The following MAP7 variants were observed in gnomAD, a reference collection of about 807,000 sequenced individuals.
MAP7 encodes ensconsin.
MAP7 carries 52 observed loss-of-function variants against 94.8 expected under a neutral mutation model. The ratio of observed to expected loss-of-function variants is 0.55; its 90% CI spans 0.44 to 0.69. The LOEUF (loss-of-function observed/expected upper bound fraction) is 0.69, where lower values mean the gene tolerates loss of function less well. MAP7 is among the 30% of genes least tolerant of loss of function. MAP7 has a pLI of 0.00. For missense variants in MAP7, 940 were observed against 964.6 expected (o/e 0.97, Z 0.34); for synonymous variants, 350 against 357.0 (o/e 0.98, Z 0.22).
chr6:136,369,080 G>A (rs1794987396), intron 8 of MAP7, among the ~76,000 whole-genome samples: 1 of 152,194 alleles, frequency 6.6e-6, no homozygotes, highest in Non-Finnish European at 1.5e-5. Context: ...TGGAATACTT[G>A]CATTAACACT....
chr6:136,349,453 A>G (rs1445338653), intron 16 of MAP7, among the ~76,000 whole-genome samples: 1 of 152,138 alleles, frequency 6.6e-6, no homozygotes, highest in Non-Finnish European at 1.5e-5. Flanking sequence ...GGCTTACTGC[A>G]GCTTCAATTC....
chr6:136,503,976 C>G (rs1820595591), intron 1 of MAP7, among the ~76,000 whole-genome samples: 1 of 152,188 alleles, frequency 6.6e-6, no homozygotes, highest in East Asian at 1.9e-4. Context: ...TCAACTTCTC[C>G]ATTCATCAGT....
intron 1 of MAP7, among the ~76,000 whole-genome samples, chr6:136,424,234 G>A (rs1481897108): frequency 6.6e-6 from 1 of 150,552 alleles, no homozygotes; most frequent in African/African-American, 2.4e-5. Flanking sequence ...AGATAGGATT[G>A]TATATACCCT....
chr6:136,347,462 G>C (rs1424712477), intron 16 of MAP7, among the ~76,000 whole-genome samples: 1 of 152,124 alleles, frequency 6.6e-6, no homozygotes, highest in Non-Finnish European at 1.5e-5. Flanking sequence ...CTGGAGTGCA[G>C]TGGTACAGTC....
At chr6:136,348,041 C>T (rs1788169783) in intron 16 of MAP7, among the ~76,000 whole-genome samples, 1 of 144,358 alleles carries the variant, frequency 6.9e-6, no homozygotes, top group South Asian at 2.4e-4. Context: ...TGTGCACACA[C>T]ATGCCTAACA....
chr6:136,380,770 A>G (rs570310311), intron 6 of MAP7, among the ~76,000 whole-genome samples: 46 of 152,356 alleles, frequency 3.0e-4, no homozygotes, highest in African/African-American at 1.1e-3. Flanking sequence ...CACCATATTC[A>G]GGTGTAATAA....
chr6:136,352,606 G>A (rs1422343584), intron 16 of MAP7, among the ~76,000 whole-genome samples: 3 of 151,902 alleles, frequency 2.0e-5, no homozygotes, highest in Non-Finnish European at 1.5e-5. Context: ...ACTCCAATCC[G>A]AATGATAGTT....
At chr6:136,366,258 C>T (rs1794291589) in intron 9 of MAP7, 69 bp downstream of exon 9, 3 of 1,277,828 alleles carry the variant, frequency 2.3e-6, no homozygotes, top group Non-Finnish European at 1.1e-6. Context: ...GAACAGTTCA[C>T]TTTCAGAGGA....
At chr6:136,524,808 A>C (rs1044936915) in intron 1 of MAP7, among the ~76,000 whole-genome samples, 5 of 152,246 alleles carry the variant, frequency 3.3e-5, no homozygotes, top group Non-Finnish European at 4.4e-5. Context: ...CATTGCTTAA[A>C]TATTTGCTTT....
chr6:136,402,273 A>G (rs1192881374), intron 3 of MAP7, among the ~76,000 whole-genome samples: 1 of 152,226 alleles, frequency 6.6e-6, no homozygotes, highest in Non-Finnish European at 1.5e-5. Flanking sequence ...CTATACACAC[A>G]ATGTCTAGTC....
intron 1 of MAP7, among the ~76,000 whole-genome samples, chr6:136,509,589 C>T (rs1318226159): frequency 1.3e-5 from 2 of 152,060 alleles, no homozygotes; most frequent in Admixed American, 6.6e-5. Context: ...GACAGGGTCT[C>T]ATTCTGTTGC....
At chr6:136,370,355 T>C (rs1774065995) in intron 8 of MAP7, among the ~76,000 whole-genome samples, 2 of 152,194 alleles carry the variant, frequency 1.3e-5, no homozygotes. Flanking sequence ...GAAAATGGCA[T>C]GGAGGCTCCT....
chr6:136,528,844 G>T (rs1471466860), intron 1 of MAP7, among the ~76,000 whole-genome samples: 1 of 151,706 alleles, frequency 6.6e-6, no homozygotes, highest in Non-Finnish European at 1.5e-5. Context: ...AACAATAAAG[G>T]ATTTTTTTCC....
chr6:136,516,451 C>T (rs1237852781), intron 1 of MAP7, among the ~76,000 whole-genome samples: 1 of 152,126 alleles, frequency 6.6e-6, no homozygotes, highest in Non-Finnish European at 1.5e-5. Flanking sequence ...AGCCACCATG[C>T]CTGGCCAAGG....
intron 1 of MAP7, among the ~76,000 whole-genome samples, chr6:136,511,167 A>AGGTCAGTTTG (rs1823170962): frequency 6.6e-6 from 1 of 152,132 alleles, no homozygotes; most frequent in Non-Finnish European, 1.5e-5. Flanking sequence ...TTGATATAAG[A>AGGTCAGTTTG]GGTCAGTTTG....
At chr6:136,400,886 C>T (rs1203590858) in intron 3 of MAP7, among the ~76,000 whole-genome samples, 2 of 152,218 alleles carry the variant, frequency 1.3e-5, no homozygotes, top group Non-Finnish European at 2.9e-5. Flanking sequence ...GCACATTCTT[C>T]CCTGCTCCAA....
chr6:136,490,187 A>T (rs1413889105), intron 1 of MAP7, among the ~76,000 whole-genome samples: 1 of 152,222 alleles, frequency 6.6e-6, no homozygotes, highest in Non-Finnish European at 1.5e-5. Context: ...AAGAGCCAAG[A>T]ATAGAAAATC....
intron 3 of MAP7, among the ~76,000 whole-genome samples, chr6:136,410,461 C>A (rs866494199): frequency 1.3e-5 from 2 of 152,220 alleles, no homozygotes; most frequent in African/African-American, 4.8e-5. Context: ...GAAGGGAGAG[C>A]CCTGGTGACC....
chr6:136,477,747 A>C (rs1423510390), intron 1 of MAP7, among the ~76,000 whole-genome samples: 1 of 152,228 alleles, frequency 6.6e-6, no homozygotes, highest in Non-Finnish European at 1.5e-5. Flanking sequence ...AGCACTGGAC[A>C]GATCATTCAG....
Sources: gnomAD v4.1 joint callset for allele counts (sites outside exome capture counted in the v4.1 genomes callset) on GRCh38, gnomAD v4.1.1 for gene constraint, MANE v1.5 for transcripts, NCBI Gene and HGNC (gene_info 2026-07-23, HGNC 2026-07-21) for gene names.